Variants in ITGAL observed in about 807,000 individuals in gnomAD.
The protein encoded by ITGAL is integrin subunit alpha L.
A neutral mutation model predicts 138.4 loss-of-function variants in ITGAL; 68 were observed. The observed-to-expected ratio is 0.49, with a 90% CI of 0.40 to 0.60. The LOEUF (loss-of-function observed/expected upper bound fraction) is 0.60, where lower values mean the gene tolerates loss of function less well. Among genes scored for constraint, ITGAL ranks in the 20% least tolerant of loss-of-function variants. ITGAL has a pLI of 0.00. For missense variants in ITGAL, 1,256 were observed against 1,478.6 expected, an observed-to-expected ratio of 0.85 and a Z score of 2.47; for synonymous variants, 561 against 584.3, an observed-to-expected ratio of 0.96 and a Z score of 0.57.
At chr16:30,506,997 C>T in intron 21 of ITGAL, 141 bp downstream of exon 21, 1 of 871,888 alleles carries the variant, frequency 1.1e-6, no homozygotes, top group East Asian at 2.6e-5. Context: ...TCTGGGTTCC[C>T]AGCCTCGAGC....
intron 1 of ITGAL, chr16:30,473,954 C>T (rs1230205850): frequency 1.5e-6 from 1 of 654,924 alleles, no homozygotes; most frequent in Non-Finnish European, 2.8e-6. Flanking sequence ...CTCATCCTTC[C>T]TTTTTTGCAG....
chr16:30,494,994 G>A lies in ITGAL; in HGVS notation c.1503+144G>A, dbSNP rs908056371. On this transcript the variant is annotated intron_variant, in intron 13 of 30. Coordinates refer to ENST00000356798, the MANE Select transcript of ITGAL (RefSeq NM_002209.3). This position sits in a 1 kb window ranked among gnomAD's most constrained non-coding sequence, Gnocchi z 4.2. The stretch of plus-strand genomic sequence containing the variant: ...GAGAGGCAATAGCAAATCCTCACTG[G>A]GGAAAGACTGTATGCAGGGTCCAGT... 3.7e-6 allele frequency: 3 copies of A among 814,966 alleles called. No homozygotes were observed. Among genetic ancestry groups the A allele is most frequent in the Non-Finnish European group, 5.6e-6 (3 of 531,250 alleles). The allele number at this position is 814,966 out of a possible 1,614,324, so 50.5% of individuals were successfully genotyped here.
In ITGAL at chr16:30,498,748, A is replaced by G. The variant is rs533561257; in HGVS notation, c.1833-326A>G. On this transcript the variant is annotated intron_variant, in intron 15 of 30. Coordinates refer to ENST00000356798, the MANE Select transcript of ITGAL (RefSeq NM_002209.3). ...GTCCCTTCTCTACAAAAATTTATTTAAAGTTAGCCAGGTGTGGTGGCACAT... is the reference window on the plus strand; with the variant it reads ...GTCCCTTCTCTACAAAAATTTATTTGAAGTTAGCCAGGTGTGGTGGCACAT... 18 of 213,854 alleles carry G rather than the reference A, an allele frequency of 8.4e-5. No individual in the cohort carries two copies. In the South Asian group the frequency reaches 1.8e-3, roughly 21 times the overall value. The allele number at this position is 213,854 out of a possible 1,614,324, so 13.2% of individuals were successfully genotyped here. A position where few individuals can be genotyped will look rare whatever the true frequency, so the allele number is the denominator to read the frequency against.
intron 11 of ITGAL, among the ~76,000 whole-genome samples, chr16:30,493,542 C>T (rs2050756370): frequency 6.6e-6 from 1 of 151,554 alleles, no homozygotes; most frequent in Non-Finnish European, 1.5e-5. Flanking sequence ...TCCCAAAGCG[C>T]TGGGATTACA....
At position 30,512,990 on chromosome 16, in the gene ITGAL, C is replaced by T. The variant is rs140076631; in HGVS notation, c.2787-781C>T. Among the ~76,000 whole-genome samples, 180 of 152,330 alleles carry T rather than the reference C, an allele frequency of 1.2e-3. 1 individual carries two copies. Among genetic ancestry groups the T allele is most frequent in the African/African-American group, 3.7e-3 (152 of 41,574 alleles). Reference sequence around the variant, plus strand: ...TGCTGGGATTACAGGCGTAAGCCACCGCGCCTGGCCTCCAGTGCTTTTGAA... The same window carrying T: ...TGCTGGGATTACAGGCGTAAGCCACTGCGCCTGGCCTCCAGTGCTTTTGAA... On this transcript the variant is annotated intron_variant, in intron 24 of 30. Transcript: ENST00000356798.
intron 30 of ITGAL, among the ~76,000 whole-genome samples, chr16:30,520,378 T>C (rs899688633): frequency 2.6e-5 from 4 of 152,114 alleles, no homozygotes; most frequent in Admixed American, 2.6e-4. Context: ...AAGGCTGCAG[T>C]GAGCCATGAT....
intron 30 of ITGAL, among the ~76,000 whole-genome samples, chr16:30,520,178 T>C (rs1030631706): frequency 1.3e-5 from 2 of 152,146 alleles, no homozygotes; most frequent in Non-Finnish European, 2.9e-5. Context: ...CTCATACCTG[T>C]AATCCCAGCA....
Position 30,474,282 on chromosome 16 carries a change from C to T in ITGAL, c.148C>T (p.Leu50=), listed in dbSNP as rs2050436630. The change falls in exon 2 of 31, where the codon CTG becomes TTG. Residue 50 remains leucine (L), a synonymous_variant. Coordinates refer to ENST00000356798, the MANE Select transcript of ITGAL (RefSeq NM_002209.3). ...RAGRHFGYRV[L]QVGNGVIVGA... Reference sequence around the variant, plus strand: ...CGGGAGGCACTTTGGATACCGCGTCCTGCAGGTCGGAAACGGGTGAGCTGT... The same window carrying T: ...CGGGAGGCACTTTGGATACCGCGTCTTGCAGGTCGGAAACGGGTGAGCTGT... 6.2e-7 allele frequency: 1 copy of T among 1,606,716 alleles called. No homozygotes were observed. Among genetic ancestry groups the T allele is most frequent in the South Asian group, 1.1e-5 (1 of 90,114 alleles).
At chr16:30,518,263 C>T (rs1164032063) in intron 28 of ITGAL, among the ~76,000 whole-genome samples, 1 of 151,988 alleles carries the variant, frequency 6.6e-6, no homozygotes, top group Non-Finnish European at 1.5e-5. Context: ...GCCTGGCCAA[C>T]ATGGTGAAAC....
intron 11 of ITGAL, among the ~76,000 whole-genome samples, chr16:30,492,714 GC>G (rs1276313652): frequency 6.6e-6 from 1 of 151,258 alleles, no homozygotes; most frequent in Non-Finnish European, 1.5e-5. Context: ...CCGCCACCAT[GC>G]CCAGCTAATT....
At position 30,489,073 on chromosome 16, in the gene ITGAL, G is replaced by T. The variant is rs1327529281; in HGVS notation, c.1007-9G>T. 3 of 1,612,590 alleles carry T rather than the reference G, an allele frequency of 1.9e-6. No homozygotes were observed. The highest frequency in any genetic ancestry group is 1.7e-6 in the Non-Finnish European group (2 of 1,179,526). On this transcript the variant is annotated splice_polypyrimidine_tract_variant and intron_variant, in intron 9 of 30. Coordinates refer to ENST00000356798, the MANE Select transcript of ITGAL (RefSeq NM_002209.3). ...TTGGGTCTCACCTGTTCTCTGCTTT[G>T]TTCCCCAGGCACAAGCAAACAGGAC...
intron 24 of ITGAL, among the ~76,000 whole-genome samples, chr16:30,513,289 T>C (rs1456584350): frequency 1.3e-5 from 2 of 151,938 alleles, no homozygotes; most frequent in Non-Finnish European, 2.9e-5. Flanking sequence ...AGGGGAGCAG[T>C]GAGGAGACTG....
chr16:30,489,604 T>A (rs540209782), intron 11 of ITGAL, among the ~76,000 whole-genome samples: 1 of 152,148 alleles, frequency 6.6e-6, no homozygotes, highest in African/African-American at 2.4e-5. Context: ...TCTCCCAGGG[T>A]AGGCAAATTC....
chr16:30,484,033 G>A (rs936218966), intron 8 of ITGAL, 74 bp downstream of exon 8: 1 of 1,594,842 alleles, frequency 6.3e-7, no homozygotes, highest in Non-Finnish European at 8.6e-7. Flanking sequence ...TTCTCCCTGG[G>A]GCCAGACTCT....
chr16:30,499,733 A>ATATTTTTTTTT, intron 17 of ITGAL, among the ~76,000 whole-genome samples: 2 of 88,386 alleles, frequency 2.3e-5, no homozygotes, highest in African/African-American at 1.2e-4. Flanking sequence ...ATATATATAT[A>ATATTTTTTTTT]TTTTTTTTTT....
chr16:30,497,721 C>G (rs897116636), intron 15 of ITGAL, among the ~76,000 whole-genome samples: 1 of 151,718 alleles, frequency 6.6e-6, no homozygotes, highest in Non-Finnish European at 1.5e-5. Flanking sequence ...TCAAGGGATC[C>G]GCCCGTCTCG....
At chr16:30,510,993 T>C (rs2051082785) in intron 23 of ITGAL, 33 bp downstream of exon 23, 1 of 1,611,734 alleles carries the variant, frequency 6.2e-7, no homozygotes, top group African/African-American at 1.3e-5. Flanking sequence ...CCTGCCATGG[T>C]CTCAGACCTG....
intron 7 of ITGAL, 151 bp downstream of exon 7, chr16:30,481,735 T>C: frequency 2.9e-6 from 2 of 684,694 alleles, no homozygotes; most frequent in Non-Finnish European, 2.5e-6. Context: ...TACTGCAGAT[T>C]CTTTTGGTTG....
chr16:30,499,730 TATA>T (rs1343511406), intron 17 of ITGAL, among the ~76,000 whole-genome samples: 2 of 106,190 alleles, frequency 1.9e-5, no homozygotes, highest in African/African-American at 8.6e-5. Context: ...TATATATATA[TATA>T]TTTTTTTTTT....
Sources: gnomAD v4.1 joint callset for allele counts (sites outside exome capture counted in the v4.1 genomes callset) on GRCh38, gnomAD v4.1.1 for gene constraint, Gnocchi (gnomAD v3.1) non-coding constraint, MANE v1.5 for transcripts, NCBI Gene and HGNC (gene_info 2026-07-23, HGNC 2026-07-21) for gene names.